The following GPC1 variants were observed in gnomAD, a reference collection of about 807,000 sequenced individuals.
GPC1 encodes the protein glypican-1.
In GPC1, 26 loss-of-function variants were observed where a neutral mutation model predicts 51.5. That is an observed-to-expected ratio of 0.50 (90% CI 0.37 to 0.70). The LOEUF is 0.70. GPC1 is among the 30% of genes least tolerant of loss of function. GPC1 has a pLI of 0.00. For synonymous variants in GPC1, 380 were observed against 348.3 expected (o/e 1.09, Z -1.01); for missense variants, 775 against 800.5 (o/e 0.97, Z 0.38).
intron 1 of GPC1, among the ~76,000 whole-genome samples, chr2:240,441,088 C>G (rs2074013919): frequency 6.6e-6 from 1 of 152,284 alleles, no homozygotes; most frequent in Non-Finnish European, 1.5e-5. Flanking sequence ...ACCTTCACAC[C>G]AGCAATCTCT....
In GPC1 at chr2:240,456,301, C is replaced by G. The variant is rs530567675; in HGVS notation, c.167-2729C>G. On this transcript the variant is annotated intron_variant, in intron 1 of 8. Transcript: ENST00000264039. Reference sequence around the variant, plus strand: ...TCACCTCTCCATGCCTCTCGTCAGCCTCTCCCGTCTGCGTGGTGGGGGCTG... The same window carrying G: ...TCACCTCTCCATGCCTCTCGTCAGCGTCTCCCGTCTGCGTGGTGGGGGCTG... Among the ~76,000 whole-genome samples, 4 of 152,202 alleles carry G rather than the reference C, an allele frequency of 2.6e-5. No homozygotes were observed. In the East Asian group the frequency reaches 7.8e-4, roughly 29 times the overall value.
chr2:240,452,993 C>A, intron 1 of GPC1: 1 of 353,626 alleles, frequency 2.8e-6, no homozygotes, highest in South Asian at 1.9e-5. Flanking sequence ...GCGCGCCGCC[C>A]GGAGCCGCTG....
At chr2:240,463,724 C>T (rs2074236611) in intron 4 of GPC1, 13 of 574,938 alleles carry the variant, frequency 2.3e-5, no homozygotes, top group Non-Finnish European at 3.1e-6. Context: ...GGGCAGCTGC[C>T]AGGGAGGGAG....
intron 1 of GPC1, chr2:240,452,831 G>C: frequency 5.6e-6 from 1 of 178,126 alleles, no homozygotes; most frequent in South Asian, 8.9e-5. Context: ...CGGCTGCGGC[G>C]CTGCCCGGGG....
chr2:240,436,207 G>A (rs2073982725), intron 1 of GPC1, 123 bp downstream of exon 1: 4 of 560,808 alleles, frequency 7.1e-6, no homozygotes, highest in African/African-American at 1.9e-5. Flanking sequence ...CCGCCGCCCG[G>A]GCCCCGAATG....
intron 1 of GPC1, chr2:240,453,169 C>A: frequency 4.4e-6 from 1 of 226,030 alleles, no homozygotes; most frequent in South Asian, 3.9e-5. Context: ...CCGTCCTGCC[C>A]CGCTTGGCCG....
At chr2:240,445,198 A>G (rs748125958) in intron 1 of GPC1, among the ~76,000 whole-genome samples, 1 of 152,156 alleles carries the variant, frequency 6.6e-6, no homozygotes, top group Non-Finnish European at 1.5e-5. Context: ...AGGTGTTAGA[A>G]CAGGTGCCTC....
chr2:240,463,091 G>GT (rs749901178), intron 3 of GPC1, among the ~76,000 whole-genome samples: 69 of 151,208 alleles, frequency 4.6e-4, no homozygotes, highest in Non-Finnish European at 8.6e-4. Context: ...TCCTGGGCAA[G>GT]TCATGCCTTG....
intron 1 of GPC1, among the ~76,000 whole-genome samples, chr2:240,453,649 C>T (rs2074127459): frequency 6.7e-6 from 1 of 149,552 alleles, no homozygotes; most frequent in Admixed American, 6.6e-5. Context: ...TCTCCCCGCC[C>T]GCCCCCTTCC....
In GPC1 at chr2:240,467,436, G is replaced by C. The variant is rs3792213; in HGVS notation, c.*1146G>C. 0.3 allele frequency: 46,047 copies of C among 152,262 alleles called. 7,320 individuals carry two copies. Among genetic ancestry groups the C allele is most frequent in the Middle Eastern group, 0.36 (108 of 296 alleles). The allele number at this position is 152,262 out of a possible 1,614,324, so 9.4% of individuals were successfully genotyped here. The stretch of plus-strand genomic sequence containing the variant: ...CGCTCCTCCCAGATGGCTTCGGAGG[G>C]CCGCAGGGCCCACCTTGGACCCTGG... On this transcript the variant is annotated 3_prime_UTR_variant, in exon 9 of 9. Transcript: ENST00000264039.
At chr2:240,444,957 G>A (rs1388776902) in intron 1 of GPC1, among the ~76,000 whole-genome samples, 1 of 152,208 alleles carries the variant, frequency 6.6e-6, no homozygotes, top group African/African-American at 2.4e-5. Flanking sequence ...GGACAAAGCT[G>A]ATGCCACCTG....
intron 1 of GPC1, chr2:240,453,009 G>A (rs2074115505): frequency 2.8e-6 from 1 of 350,984 alleles, no homozygotes. Flanking sequence ...CGCTGGAGCC[G>A]CCGCTGCGAA....
At chr2:240,450,655 G>T in intron 1 of GPC1, 1 of 470,748 alleles carries the variant, frequency 2.1e-6, no homozygotes, top group Non-Finnish European at 4.4e-6. Flanking sequence ...CGAGCCCCGT[G>T]CTTCCTCTGG....
intron 1 of GPC1, among the ~76,000 whole-genome samples, chr2:240,456,345 ACCTCGCGAGGGAGGGG>A (rs748432616): frequency 6.6e-5 from 10 of 151,360 alleles, no homozygotes; most frequent in Non-Finnish European, 1.0e-4. Flanking sequence ...GTCCGCCGGG[ACCTCGCGAGGGAGGGG>A]CACAGGAGGA....
At chr2:240,465,278 G>C in intron 7 of GPC1, 68 bp downstream of exon 7, 1 of 1,510,764 alleles carries the variant, frequency 6.6e-7, no homozygotes, top group South Asian at 1.3e-5. Context: ...GCCTGGGCCA[G>C]GTGCTGTCTG....
rs2074194515 is a variant in GPC1 at position 240,459,064 on chromosome 2, C to G, written c.201C>G (p.Thr67=). The G allele has an allele frequency of 6.2e-7, 1 of 1,612,904 alleles. No homozygotes were observed. The highest frequency in any genetic ancestry group is 8.5e-7 in the Non-Finnish European group (1 of 1,179,892). Residue 67 remains threonine, a synonymous_variant, in exon 2 of 9, where the codon ACC becomes ACG. Coordinates refer to ENST00000264039, the MANE Select transcript of GPC1 (RefSeq NM_002081.3). The part of the protein sequence containing the change: ...EHLRICPQGY[T]CCTSEMEENL... ...TGCGGATCTGTCCCCAGGGCTACAC[C>G]TGCTGCACCAGCGAGATGGAGGAGA...
intron 1 of GPC1, chr2:240,452,852 C>T (rs927560913): frequency 4.3e-5 from 9 of 207,572 alleles, no homozygotes; most frequent in Non-Finnish European, 7.7e-5. Context: ...TGGCTGCGGC[C>T]AGAGTCTCCC....
Position 240,459,176 on chromosome 2 carries a change from C to A in GPC1, c.313C>A (p.Arg105Ser), listed in dbSNP as rs766775254. 2 of 1,611,826 alleles carry A rather than the reference C, an allele frequency of 1.2e-6. No individual in the cohort carries two copies. The highest frequency in any genetic ancestry group is 2.7e-5 in the African/African-American group (2 of 74,942). Residue 105 changes from arginine to serine, a missense_variant, in exon 2 of 9, where the codon CGC becomes AGC. Arg to Ser is a moderately radical substitution (Grantham distance 110). Coordinates refer to ENST00000264039, the MANE Select transcript of GPC1 (RefSeq NM_002081.3). ...GCAGGCCATGCTTGCCACCCAGCTG[C>A]GCAGCTTCGATGGTGAGTGCCTCCC... ...VLQAMLATQL[R>S]SFDDHFQHLL...
chr2:240,462,678 T>A, intron 3 of GPC1, 96 bp downstream of exon 3: 1 of 1,134,444 alleles, frequency 8.8e-7, no homozygotes, highest in Non-Finnish European at 1.2e-6. Flanking sequence ...CCTGTGCCCC[T>A]GGGCCTCTGG....
Sources: allele counts gnomAD v4.1 joint callset (sites outside exome capture counted in the v4.1 genomes callset), GRCh38; gene constraint gnomAD v4.1.1; transcripts MANE v1.5; gene names NCBI Gene and HGNC (gene_info 2026-07-23, HGNC 2026-07-21).